The following PROM1 variants were observed in gnomAD, a reference collection of about 807,000 sequenced individuals.
The protein encoded by PROM1 is prominin-1.
In PROM1, 105 loss-of-function variants were observed where a neutral mutation model predicts 116.9. The observed-to-expected ratio is 0.90, with a 90% CI of 0.77 to 1.06. The LOEUF is 1.06. Ranked by LOEUF, PROM1 falls within the 50% of genes least tolerant of loss-of-function variation. The pLI, the probability that PROM1 is intolerant of heterozygous loss-of-function variation, is 0.00. For synonymous variants in PROM1, 393 were observed against 387.0 expected (o/e 1.02, Z -0.18); for missense variants, 1,122 against 1,045.2 (o/e 1.07, Z -1.01).
Position 16,015,331 on chromosome 4 carries a change from G to A in PROM1, c.1077+835C>T, listed in dbSNP as rs182992144. On this transcript the variant is annotated intron_variant, in intron 10 of 27. Coordinates refer to ENST00000447510, the MANE Select transcript of PROM1 (RefSeq NM_006017.3). The stretch of plus-strand genomic sequence containing the variant: ...ACTGCACTCCAGCCTGGGCAACAGC[G>A]CAAGACTCCATCTCAAAAAAAAAAA... 5.0e-3 allele frequency among the ~76,000 whole-genome samples: 533 copies of A among 106,998 alleles called. 9 individuals carry two copies. Among genetic ancestry groups the A allele is most frequent in the African/African-American group, 0.019 (489 of 25,644 alleles). 70.2% of individuals were successfully genotyped at this position (106,998 alleles called of 152,430 possible).
intron 5 of PROM1, among the ~76,000 whole-genome samples, chr4:16,030,177 G>T (rs1289961652): frequency 2.6e-5 from 4 of 152,140 alleles, no homozygotes; most frequent in African/African-American, 9.7e-5. Flanking sequence ...TCAAAAGGAA[G>T]CCATTAAAAT....
At chr4:16,034,513 C>T (rs554966854) in intron 4 of PROM1, among the ~76,000 whole-genome samples, 55 of 152,186 alleles carry the variant, frequency 3.6e-4, no homozygotes, top group African/African-American at 1.3e-3. Context: ...TTCCTGAGTT[C>T]CTAGGAACAG....
chr4:15,993,899 T>C, intron 16 of PROM1, 88 bp downstream of exon 16: 1 of 1,550,350 alleles, frequency 6.5e-7, no homozygotes, highest in Non-Finnish European at 8.7e-7. Flanking sequence ...CTTTTGCAAA[T>C]TTCATCTCAA....
chr4:15,972,163 C>T (rs4698435), intron 26 of PROM1, among the ~76,000 whole-genome samples: 1 of 152,102 alleles, frequency 6.6e-6, no homozygotes, highest in Non-Finnish European at 1.5e-5. Context: ...CTCCTCCAGA[C>T]AGTATATCCA....
At position 15,998,483 on chromosome 4, in the gene PROM1, C is replaced by T. The variant is rs772899934; in HGVS notation, c.1584G>A (p.Leu528=). 9 of 1,606,780 alleles carry T rather than the reference C, an allele frequency of 5.6e-6. No homozygotes were observed. The highest frequency in any genetic ancestry group is 6.8e-6 in the Non-Finnish European group (8 of 1,177,564). Residue 528 remains leucine, a synonymous_variant, in exon 15 of 28, where the codon TTG becomes TTA. Transcript: ENST00000447510. ...PYTSKELFRV[L]DTPYLLNEDW... ...CTTCATTTAGTAAGTAGGGTGTATCCAAAACCTAGAACACATTAGGAAGTA... is the reference window on the plus strand; with the variant it reads ...CTTCATTTAGTAAGTAGGGTGTATCTAAAACCTAGAACACATTAGGAAGTA...
At chr4:16,064,300 T>C (rs764631807) in intron 2 of PROM1, among the ~76,000 whole-genome samples, 11 of 152,134 alleles carry the variant, frequency 7.2e-5, no homozygotes, top group Non-Finnish European at 1.6e-4. Flanking sequence ...AGAATGAAGA[T>C]TTACAACTAC....
At chr4:16,031,803 A>G (rs1192055656) in intron 5 of PROM1, among the ~76,000 whole-genome samples, 14 of 152,188 alleles carry the variant, frequency 9.2e-5, no homozygotes, top group South Asian at 8.3e-4. Flanking sequence ...ACACACATAT[A>G]TAGTTAAGGT....
At chr4:16,043,514 C>T (rs937906489) in intron 2 of PROM1, among the ~76,000 whole-genome samples, 1 of 152,200 alleles carries the variant, frequency 6.6e-6, no homozygotes, top group African/African-American at 2.4e-5. Context: ...CACCCTTCAC[C>T]AGGCCCCTGC....
At chr4:15,978,590 G>A (rs901795161) in intron 26 of PROM1, among the ~76,000 whole-genome samples, 1 of 152,210 alleles carries the variant, frequency 6.6e-6, no homozygotes, top group Admixed American at 6.5e-5. Context: ...CTTCTAAGGT[G>A]GATCTCCCCC....
intron 10 of PROM1, among the ~76,000 whole-genome samples, chr4:16,015,675 G>A (rs1479956266): frequency 6.6e-6 from 1 of 151,968 alleles, no homozygotes; most frequent in East Asian, 1.9e-4. Flanking sequence ...GGGTGACAGA[G>A]GGGGATTCCA....
intron 1 of PROM1, among the ~76,000 whole-genome samples, chr4:16,082,813 C>T (rs1393341940): frequency 6.6e-6 from 1 of 152,138 alleles, no homozygotes; most frequent in African/African-American, 2.4e-5. Context: ...ACTCCCTGCC[C>T]CTCCAGACAC....
At chr4:16,041,684 G>A (rs1252441071) in intron 2 of PROM1, among the ~76,000 whole-genome samples, 4 of 151,440 alleles carry the variant, frequency 2.6e-5, no homozygotes, top group Non-Finnish European at 5.9e-5. Context: ...GAGCCCAGGA[G>A]TTCAACTAAG....
chr4:16,018,224 A>G, intron 9 of PROM1, 99 bp downstream of exon 9: 1 of 1,143,312 alleles, frequency 8.7e-7, no homozygotes, highest in Non-Finnish European at 1.3e-6. Context: ...CTGTTCTCCA[A>G]GTCAGGCCAC....
rs60722468 is a variant in PROM1 at position 16,013,973 on chromosome 4, C to T, written c.1078-635G>A. Among the ~76,000 whole-genome samples the T allele has an allele frequency of 2.7e-3, 410 of 152,090 alleles. 3 individuals carry two copies. The highest frequency in any genetic ancestry group is 9.4e-3 in the African/African-American group (391 of 41,472). On this transcript the variant is annotated intron_variant, in intron 10 of 27. Coordinates refer to ENST00000447510, the MANE Select transcript of PROM1 (RefSeq NM_006017.3). Reference sequence around the variant, plus strand: ...AAAAAAAAAATGTCCTAAAGCATGGCTTACAGAGGATACAACTGTGGTGAG... The same window carrying T: ...AAAAAAAAAATGTCCTAAAGCATGGTTTACAGAGGATACAACTGTGGTGAG...
At position 16,081,148 on chromosome 4, in the gene PROM1, C is replaced by T. The variant is rs137961259; in HGVS notation, c.-213+2830G>A. On this transcript the variant is annotated intron_variant, in intron 1 of 27. Coordinates refer to ENST00000447510, the MANE Select transcript of PROM1 (RefSeq NM_006017.3). ...TTACATGTGTATACATGTGCCATGT[C>T]GGTGTGCTGCACCTATTAACTCGTC... Among the ~76,000 whole-genome samples the T allele has an allele frequency of 2.5e-3, 373 of 151,944 alleles. 3 individuals are homozygous for T. In the East Asian group the frequency reaches 0.038, roughly 16 times the overall value.
intron 4 of PROM1, among the ~76,000 whole-genome samples, chr4:16,035,092 G>A (rs550469386): frequency 2.0e-5 from 3 of 152,124 alleles, no homozygotes; most frequent in Non-Finnish European, 4.4e-5. Flanking sequence ...ATCTTGCTGG[G>A]TTCATCAAGT....
chr4:16,041,830 G>T (rs1735370317), intron 2 of PROM1, among the ~76,000 whole-genome samples: 1 of 149,950 alleles, frequency 6.7e-6, no homozygotes, highest in African/African-American at 2.4e-5. Context: ...GACAAATTGT[G>T]ACTATTCAGA....
intron 16 of PROM1, among the ~76,000 whole-genome samples, chr4:15,993,536 C>T (rs560489356): frequency 2.2e-4 from 33 of 152,088 alleles, no homozygotes; most frequent in African/African-American, 4.4e-4. Context: ...AGTCCTGGGG[C>T]CACCTTGCGA....
chr4:16,017,581 G>C (rs1728718950), intron 9 of PROM1, among the ~76,000 whole-genome samples: 1 of 152,248 alleles, frequency 6.6e-6, no homozygotes, highest in African/African-American at 2.4e-5. Context: ...AGAACTTTGG[G>C]AGGCTAAGGC....
Sources: allele counts gnomAD v4.1 joint callset (sites outside exome capture counted in the v4.1 genomes callset), GRCh38; gene constraint gnomAD v4.1.1; transcripts MANE v1.5; gene names NCBI Gene and HGNC (gene_info 2026-07-23, HGNC 2026-07-21).